SLC9A3: variants seen among roughly 807,000 people sequenced by gnomAD.
SLC9A3 encodes the protein solute carrier family 9 member A3.
Under a neutral mutation model 86.8 loss-of-function variants are expected in SLC9A3, and 37 were observed. That is an observed-to-expected ratio of 0.43 (90% confidence interval 0.33 to 0.56). The LOEUF (loss-of-function observed/expected upper bound fraction) is 0.56. SLC9A3 is among the 20% of genes least tolerant of loss of function. The pLI, the probability that SLC9A3 is intolerant of heterozygous loss-of-function variation, is 0.06. For missense variants in SLC9A3, 1,011 were observed against 1,171.9 expected, an observed-to-expected ratio of 0.86 and a Z score of 2.00; for synonymous variants, 581 against 528.3, an observed-to-expected ratio of 1.10 and a Z score of -1.37.
chr5:482,203 A>T, intron 7 of SLC9A3, 46 bp from the exon 8 acceptor site: 1 of 1,350,882 alleles, frequency 7.4e-7, no homozygotes, highest in Non-Finnish European at 1.1e-6. Context: ...AGCCCCCCAC[A>T]TCCCGCTGGC....
intron 6 of SLC9A3, 58 bp from the exon 7 acceptor site, chr5:482,808 C>T (rs1292795909): frequency 7.1e-7 from 1 of 1,407,196 alleles, no homozygotes; most frequent in Non-Finnish European, 9.8e-7. Context: ...CGCGGGACCC[C>T]AGCCCCTCCG....
chr5:493,131 G>A, intron 1 of SLC9A3, among the ~76,000 whole-genome samples: 1 of 151,986 alleles, frequency 6.6e-6, no homozygotes, highest in South Asian at 2.1e-4. Flanking sequence ...AAAAAAAAAG[G>A]TGATGAGAAT....
At chr5:481,091 T>C (rs1052618770) in intron 9 of SLC9A3, among the ~76,000 whole-genome samples, 7 of 152,190 alleles carry the variant, frequency 4.6e-5, no homozygotes, top group African/African-American at 1.4e-4. Flanking sequence ...GGTTTCACCA[T>C]GTTGGCTAGG....
Position 470,777 on chromosome 5 carries a change from A to AATT in SLC9A3, c.*2599_*2601dup, listed in dbSNP as rs1298702713. On this transcript the variant is annotated 3_prime_UTR_variant, in exon 17 of 17. Transcript: ENST00000264938. ...CACAGTATATTGAACTCTGTAACAA[A>AATT]ATTATTTTTGAGAAAATACAGAAGT... The AATT allele has an allele frequency of 1.3e-5, 2 of 152,366 alleles. No individual in the cohort carries two copies. The highest frequency in any genetic ancestry group is 6.5e-5 in the Admixed American group (1 of 15,288). 9.4% of individuals were successfully genotyped at this position (152,366 alleles called of 1,614,324 possible).
chr5:489,194 C>G (rs1739610321), intron 2 of SLC9A3, among the ~76,000 whole-genome samples: 1 of 152,206 alleles, frequency 6.6e-6, no homozygotes, highest in South Asian at 2.1e-4. Flanking sequence ...CCACGTGGCC[C>G]CGAGAGTCTG....
At chr5:493,441 C>T (rs145693658) in intron 1 of SLC9A3, among the ~76,000 whole-genome samples, 5 of 152,386 alleles carry the variant, frequency 3.3e-5, no homozygotes, top group Admixed American at 6.5e-5. Flanking sequence ...GTGGCCCTGA[C>T]GAGCTCGGCC....
Position 524,360 on chromosome 5 carries a change from G to C in SLC9A3, c.-38C>G. On this transcript the variant is annotated 5_prime_UTR_variant, in exon 1 of 17. Transcript: ENST00000264938. ...AGCGCAGGGCTGGGACGCGCATGTCGCGGGGGGTCCCGGCTGGGCTGGGCC... is the reference window on the plus strand; with the variant it reads ...AGCGCAGGGCTGGGACGCGCATGTCCCGGGGGGTCCCGGCTGGGCTGGGCC... 1.0e-6 allele frequency: 1 copy of C among 986,064 alleles called. No homozygotes were observed. The highest frequency in any genetic ancestry group is 4.2e-5 in the East Asian group (1 of 23,762). 61.1% of individuals were successfully genotyped at this position (986,064 alleles called of 1,614,324 possible).
rs1487762361 is a variant in SLC9A3, at chr5:488,372, C to T, written c.619G>A (p.Glu207Lys). The T allele has an allele frequency of 7.4e-6, 12 of 1,612,654 alleles. No individual in the cohort carries two copies. Among genetic ancestry groups the T allele is most frequent in the East Asian group, 2.2e-5 (1 of 44,836 alleles). The change falls in exon 3 of 17, where the codon GAG (glutamate) becomes AAG (lysine). Residue 207 changes from glutamate to lysine, a missense_variant. Glu to Lys is a moderately conservative substitution (Grantham distance 56). Around this residue, in one of 3 missense-constraint regions of SLC9A3, gnomAD observed 565 missense variants for 790.0 expected, o/e 0.72. Transcript: ENST00000264938. ...LAVFEEVHVN[E>K]VLFIIVFGES... is the part of the protein sequence containing the mutation. ...CCGAAGACGATGATGAACAGGACCT[C>T]GTTGACATGGACCTCCTCAAACACG... is the stretch of plus-strand genomic sequence containing the variant.
chr5:504,747 A>C (rs1740468965), intron 1 of SLC9A3, among the ~76,000 whole-genome samples: 1 of 152,174 alleles, frequency 6.6e-6, no homozygotes, highest in Admixed American at 6.5e-5. Flanking sequence ...CTGAAGGGGA[A>C]GGGGTGTTCG....
intron 1 of SLC9A3, among the ~76,000 whole-genome samples, chr5:504,146 A>G (rs34168120): frequency 0.39 from 59,084 of 152,192 alleles, 11,904 homozygotes; most frequent in African/African-American, 0.44. Context: ...AAGCTTCTGC[A>G]GAAGCTTCCA....
In SLC9A3 at chr5:484,503, G is replaced by A. The variant is rs896316996; in HGVS notation, c.932+17C>T. On this transcript the variant is annotated intron_variant, in intron 5 of 16. Coordinates refer to ENST00000264938, the MANE Select transcript of SLC9A3 (RefSeq NM_004174.4). Reference sequence around the variant, plus strand: ...GAGGAGGGCGTGGAGAAGCTCGCGTGTGTGGGAGGGACTCACGCGAGGATG... The same window carrying A: ...GAGGAGGGCGTGGAGAAGCTCGCGTATGTGGGAGGGACTCACGCGAGGATG... The A allele has an allele frequency of 6.2e-7, 1 of 1,612,006 alleles. No homozygotes were observed. Among genetic ancestry groups the A allele is most frequent in the Non-Finnish European group, 8.5e-7 (1 of 1,179,072 alleles).
At chr5:483,184 C>A in intron 6 of SLC9A3, 78 bp downstream of exon 6, 3 of 1,123,944 alleles carry the variant, frequency 2.7e-6, no homozygotes, top group Non-Finnish European at 1.3e-6. Context: ...TCCCTGGGCC[C>A]AGTAGAAAGC....
intron 10 of SLC9A3, chr5:477,683 G>GT: frequency 2.1e-6 from 1 of 485,240 alleles, no homozygotes. Context: ...ACTGGGCAGA[G>GT]GTCATGCTTG....
At chr5:517,251 A>G (rs1446615480) in intron 1 of SLC9A3, among the ~76,000 whole-genome samples, 3 of 44,470 alleles carry the variant, frequency 6.7e-5, no homozygotes, top group African/African-American at 3.3e-4. Flanking sequence ...CTGTCCATTC[A>G]CTCACTCACT....
chr5:496,590 C>T lies in SLC9A3; in HGVS notation c.212-4519G>A, dbSNP rs1740031428. On this transcript the variant is annotated intron_variant, in intron 1 of 16. Coordinates refer to ENST00000264938, the MANE Select transcript of SLC9A3 (RefSeq NM_004174.4). The surrounding 1 kb of genome is among the most constrained non-coding windows in gnomAD (Gnocchi z 4.7). Reference sequence around the variant, plus strand: ...TGTTGCTCTCATCTTTCCACTTTGTCTTCTGTCATTTTGCTCCATGCGAAC... The same window carrying T: ...TGTTGCTCTCATCTTTCCACTTTGTTTTCTGTCATTTTGCTCCATGCGAAC... 6.6e-6 allele frequency among the ~76,000 whole-genome samples: 1 copy of T among 152,208 alleles called. No individual in the cohort carries two copies. The highest frequency in any genetic ancestry group is 2.1e-4 in the South Asian group (1 of 4,830).
chr5:475,591 T>A lies in SLC9A3; in HGVS notation c.2221A>T (p.Thr741Ser). 6.4e-7 allele frequency: 1 copy of A among 1,551,682 alleles called. No individual in the cohort carries two copies. The change falls in exon 15 of 17, where the codon ACC (threonine) becomes TCC (serine). Residue 741 changes from threonine (T) to serine (S), a missense_variant. Physicochemically the swap from Thr to Ser is moderately conservative, Grantham distance 58. Transcript: ENST00000264938. ...GGGGAGTCGGACGCTGTGTCCTTGG[T>A]GACACTAGCCAGGAACTCGATCCCC... The part of the protein sequence containing the change: ...SGGIEFLASV[T>S]KDTASDSPAG...
intron 1 of SLC9A3, among the ~76,000 whole-genome samples, chr5:506,121 C>T (rs1432137831): frequency 6.6e-6 from 1 of 152,122 alleles, no homozygotes; most frequent in Non-Finnish European, 1.5e-5. Context: ...GTTAACTGCA[C>T]CTGTGCCTGC....
At position 483,506 on chromosome 5, in the gene SLC9A3, G is replaced by GAC. The variant is rs1306697520; in HGVS notation, c.933-26_933-25dup. ...TGCTGCAGGGACAGACGCGCCTCAGGACACGGCCACCTGGCCTGGCGCCCG... is the reference window on the plus strand; with the variant it reads ...TGCTGCAGGGACAGACGCGCCTCAGGACACACGGCCACCTGGCCTGGCGCCCG... On this transcript the variant is annotated intron_variant, in intron 5 of 16. Coordinates refer to ENST00000264938, the MANE Select transcript of SLC9A3 (RefSeq NM_004174.4). 3 of 1,532,194 alleles carry GAC rather than the reference G, an allele frequency of 2.0e-6. No homozygotes were observed. The East Asian group carries it at 7.3e-5, about 37-fold the overall frequency. 94.9% of individuals were successfully genotyped at this position (1,532,194 alleles called of 1,614,324 possible).
intron 1 of SLC9A3, among the ~76,000 whole-genome samples, chr5:504,765 C>G (rs1045373266): frequency 6.6e-6 from 1 of 152,208 alleles, no homozygotes; most frequent in Non-Finnish European, 1.5e-5. Context: ...TCGTGCCCAG[C>G]TCCTGGCCGG....
Sources: allele counts gnomAD v4.1 joint callset (sites outside exome capture counted in the v4.1 genomes callset), GRCh38; gene constraint gnomAD v4.1.1; regional missense constraint gnomAD v4.1.1; non-coding constraint Gnocchi (gnomAD v3.1); transcripts MANE v1.5; gene names NCBI Gene and HGNC (gene_info 2026-07-23, HGNC 2026-07-21).